The following DYNC1I1 variants were observed in gnomAD, a reference collection of about 807,000 sequenced individuals.
The protein encoded by DYNC1I1 is cytoplasmic dynein 1 intermediate chain 1.
A neutral mutation model predicts 86.6 loss-of-function variants in DYNC1I1; 43 were observed. The observed-to-expected ratio is 0.50, with a 90% CI of 0.39 to 0.64. DYNC1I1 has a LOEUF of 0.64. DYNC1I1 is among the 30% of genes least tolerant of loss of function. The probability of loss-of-function intolerance (pLI) is 0.00; values close to 1 mark genes in which losing one functional copy is unlikely to be tolerated. For missense variants in DYNC1I1, 604 were observed against 788.8 expected (o/e 0.77, Z 2.81); for synonymous variants, 262 against 283.7 (o/e 0.92, Z 0.77).
At chr7:96,000,833 T>G (rs1487348768) in intron 10 of DYNC1I1, among the ~76,000 whole-genome samples, 1 of 152,160 alleles carries the variant, frequency 6.6e-6, no homozygotes, top group Admixed American at 6.5e-5. Flanking sequence ...GCAAAGAGAT[T>G]GTATTGTAGG....
At chr7:95,941,620 A>C (rs1196395080) in intron 6 of DYNC1I1, among the ~76,000 whole-genome samples, 1 of 152,178 alleles carries the variant, frequency 6.6e-6, no homozygotes, top group African/African-American at 2.4e-5. Context: ...TGCAGGATAT[A>C]ATCTCCTCGT....
chr7:95,815,650 T>C (rs1794930239), intron 4 of DYNC1I1, among the ~76,000 whole-genome samples: 1 of 152,200 alleles, frequency 6.6e-6, no homozygotes, highest in African/African-American at 2.4e-5. Context: ...AAACAATTTA[T>C]ATTAACTTTA....
In DYNC1I1 at chr7:95,804,501, T is replaced by C. The variant is rs548494598; in HGVS notation, c.-9-220T>C. 17 of 843,126 alleles carry C rather than the reference T, an allele frequency of 2.0e-5. No individual in the cohort carries two copies. In the South Asian group the frequency reaches 3.0e-4, roughly 15 times the overall value. 52.2% of individuals were successfully genotyped at this position (843,126 alleles called of 1,614,324 possible). On this transcript the variant is annotated intron_variant, in intron 1 of 16. Coordinates refer to ENST00000447467, the MANE Select transcript of DYNC1I1 (RefSeq NM_001135556.2). ...TAATAACCTTGTATTTCTTCAGATA[T>C]TTATGTATATATACCTAAAAGGGAA...
chr7:96,096,891 G>A (rs1791026185), intron 16 of DYNC1I1, among the ~76,000 whole-genome samples: 1 of 152,140 alleles, frequency 6.6e-6, no homozygotes, highest in Non-Finnish European at 1.5e-5. Context: ...GTTAATGCAT[G>A]TAATGTACTT....
intron 6 of DYNC1I1, among the ~76,000 whole-genome samples, chr7:95,872,364 A>G (rs76593199): frequency 0.056 from 8,484 of 152,214 alleles, 561 homozygotes; most frequent in African/African-American, 0.16. Flanking sequence ...AGGCATGCTG[A>G]TTATTTTTTG....
chr7:95,965,788 C>T (rs932754095), intron 6 of DYNC1I1, among the ~76,000 whole-genome samples: 1 of 152,136 alleles, frequency 6.6e-6, no homozygotes, highest in African/African-American at 2.4e-5. Context: ...TTTTTGATTG[C>T]AAGTGACTGA....
At chr7:96,052,945 A>C (rs1231049946) in intron 14 of DYNC1I1, among the ~76,000 whole-genome samples, 1 of 152,168 alleles carries the variant, frequency 6.6e-6, no homozygotes, top group Non-Finnish European at 1.5e-5. Flanking sequence ...TTTGAACAAC[A>C]GTGATAGTGT....
At chr7:96,086,293 CCTA>C (rs1412728799) in intron 16 of DYNC1I1, among the ~76,000 whole-genome samples, 1 of 152,172 alleles carries the variant, frequency 6.6e-6, no homozygotes, top group African/African-American at 2.4e-5. Context: ...TCTTCCACCT[CCTA>C]TTATTTCTTT....
At chr7:95,918,585 T>C (rs1335414999) in intron 6 of DYNC1I1, among the ~76,000 whole-genome samples, 1 of 152,198 alleles carries the variant, frequency 6.6e-6, no homozygotes, top group African/African-American at 2.4e-5. Context: ...GTGTGTGCCA[T>C]TTAGCAGTTG....
intron 16 of DYNC1I1, among the ~76,000 whole-genome samples, chr7:96,107,461 G>A (rs756235384): frequency 9.9e-5 from 15 of 151,576 alleles, no homozygotes; most frequent in South Asian, 2.1e-4. Flanking sequence ...TGAAGGACTC[G>A]CTCTAGCATT....
At chr7:95,884,789 A>G (rs1790548630) in intron 6 of DYNC1I1, among the ~76,000 whole-genome samples, 2 of 147,234 alleles carry the variant, frequency 1.4e-5, no homozygotes, top group Non-Finnish European at 3.0e-5. Flanking sequence ...AAGAAAAAAA[A>G]AGACAAAAAA....
chr7:96,094,735 C>T (rs1790952907), intron 16 of DYNC1I1, among the ~76,000 whole-genome samples: 1 of 152,134 alleles, frequency 6.6e-6, no homozygotes, highest in African/African-American at 2.4e-5. Context: ...TCTAACATTA[C>T]AATCACCTTG....
At chr7:95,965,694 A>G (rs1245433534) in intron 6 of DYNC1I1, among the ~76,000 whole-genome samples, 2 of 152,146 alleles carry the variant, frequency 1.3e-5, no homozygotes, top group African/African-American at 4.8e-5. Context: ...ACCTTGCAGG[A>G]TGGTGGGCTT....
At chr7:95,827,346 G>T (rs1295777259) in intron 4 of DYNC1I1, among the ~76,000 whole-genome samples, 1 of 152,172 alleles carries the variant, frequency 6.6e-6, no homozygotes, top group Non-Finnish European at 1.5e-5. Flanking sequence ...GTTTATAGAA[G>T]AGCCATTTAT....
chr7:95,790,237 C>T (rs192794260), intron 1 of DYNC1I1, among the ~76,000 whole-genome samples: 103 of 152,250 alleles, frequency 6.8e-4, no homozygotes, highest in Middle Eastern at 3.4e-3. Flanking sequence ...TCCTGTGTAC[C>T]TCTTTATTTA....
chr7:96,079,089 T>A (rs1490496358), intron 15 of DYNC1I1, among the ~76,000 whole-genome samples: 6 of 152,194 alleles, frequency 3.9e-5, no homozygotes, highest in Non-Finnish European at 8.8e-5. Context: ...AAAGAATTTT[T>A]ATTGATTTCA....
chr7:96,059,952 G>A (rs1176896549), intron 14 of DYNC1I1, among the ~76,000 whole-genome samples: 1 of 152,092 alleles, frequency 6.6e-6, no homozygotes, highest in Non-Finnish European at 1.5e-5. Flanking sequence ...TGTTCTAAAG[G>A]GTAATGAGAA....
At chr7:96,075,967 T>C (rs1790323488) in intron 14 of DYNC1I1, 90 bp from the exon 15 acceptor site, 3 of 1,520,536 alleles carry the variant, frequency 2.0e-6, no homozygotes, top group Non-Finnish European at 1.8e-6. Context: ...TATGACACTT[T>C]GTGAATGTGC....
In DYNC1I1 at chr7:95,993,370, G is replaced by A. The variant is rs1365914577; in HGVS notation, c.844-2578G>A. On this transcript the variant is annotated intron_variant, in intron 9 of 16. Coordinates refer to ENST00000447467, the MANE Select transcript of DYNC1I1 (RefSeq NM_001135556.2). ...AATATTTTTAAATGGAAAAAGAAAA[G>A]CTGCAAGTGGGTACCAACAATGAGA... 7.2e-5 allele frequency among the ~76,000 whole-genome samples: 11 copies of A among 152,126 alleles called. No individual in the cohort carries two copies. The South Asian group carries it at 2.3e-3, about 32-fold the overall frequency.
Sources: gnomAD v4.1 joint callset for allele counts (sites outside exome capture counted in the v4.1 genomes callset) on GRCh38, gnomAD v4.1.1 for gene constraint, MANE v1.5 for transcripts, NCBI Gene and HGNC (gene_info 2026-07-23, HGNC 2026-07-21) for gene names.